The following FGD6 variants were observed in gnomAD, a reference collection of about 807,000 sequenced individuals.
The protein encoded by FGD6 is FYVE, RhoGEF and PH domain containing 6.
A neutral mutation model predicts 149.4 loss-of-function variants in FGD6; 90 were observed. The observed-to-expected ratio is 0.60, with a 90% CI of 0.51 to 0.72. FGD6 has a LOEUF of 0.72. FGD6 is among the 30% of genes least tolerant of loss of function. The probability of loss-of-function intolerance (pLI) is 0.00; values close to 1 mark genes in which losing one functional copy is unlikely to be tolerated. For synonymous variants in FGD6, 527 were observed against 584.0 expected, an observed-to-expected ratio of 0.90 and a Z score of 1.41; for missense variants, 1,437 against 1,684.8, an observed-to-expected ratio of 0.85 and a Z score of 2.57.
chr12:95,113,576 C>A, intron 9 of FGD6, 75 bp downstream of exon 9: 1 of 1,132,152 alleles, frequency 8.8e-7, no homozygotes, highest in South Asian at 1.4e-5. Flanking sequence ...ATTTTGTTAT[C>A]AATATATTTT....
At position 95,210,768 on chromosome 12, in the gene FGD6, A is replaced by C. The variant is rs747821544; in HGVS notation, c.516T>G (p.Val172=). The C allele has an allele frequency of 6.2e-6, 10 of 1,614,038 alleles. No individual in the cohort carries two copies. Among genetic ancestry groups the C allele is most frequent in the Non-Finnish European group, 8.5e-6 (10 of 1,180,040 alleles). The part of the protein sequence containing the change: ...YGEKAKNQGG[V]VLKASVLEEE... ...CTTCTAAAACGCTTGCCTTTAAAAC[A>C]ACCCCACCCTGGTTCTTGGCTTTTT... The change falls in exon 2 of 21, where the codon GTT becomes GTG. Residue 172 remains valine, a synonymous_variant. Transcript: ENST00000343958.
At chr12:95,157,517 G>A (rs1880507125) in intron 3 of FGD6, among the ~76,000 whole-genome samples, 1 of 144,652 alleles carries the variant, frequency 6.9e-6, no homozygotes, top group African/African-American at 2.6e-5. Context: ...AGTGAGTCAT[G>A]ATCGTGCCAC....
chr12:95,131,108 GTTTTTT>G (rs59897965), intron 8 of FGD6, among the ~76,000 whole-genome samples: 12,460 of 128,280 alleles, frequency 0.097, 620 homozygotes, highest in African/African-American at 0.17. Context: ...TGGCTAAAGA[GTTTTTT>G]TTTTTTTTTT....
chr12:95,098,819 G>T (rs957698974), intron 14 of FGD6, among the ~76,000 whole-genome samples: 1 of 151,362 alleles, frequency 6.6e-6, no homozygotes, highest in South Asian at 2.1e-4. Flanking sequence ...TGCTAAGTGC[G>T]TGTCCTCCTC....
intron 8 of FGD6, 100 bp from the exon 9 acceptor site, chr12:95,113,801 T>C: frequency 1.5e-6 from 1 of 686,772 alleles, no homozygotes; most frequent in Non-Finnish European, 2.4e-6. Context: ...CTGGTTAATA[T>C]ACATGCTAGT....
chr12:95,170,656 G>T (rs1035544956), intron 3 of FGD6, among the ~76,000 whole-genome samples: 2 of 152,022 alleles, frequency 1.3e-5, no homozygotes, highest in East Asian at 3.9e-4. Flanking sequence ...AGAAAAGAAC[G>T]TTGGCTACAT....
At chr12:95,161,048 C>T (rs1461242661) in intron 3 of FGD6, among the ~76,000 whole-genome samples, 1 of 150,760 alleles carries the variant, frequency 6.6e-6, no homozygotes, top group African/African-American at 2.4e-5. Flanking sequence ...GGCATGGTGG[C>T]ACACACCCGT....
intron 2 of FGD6, among the ~76,000 whole-genome samples, chr12:95,184,108 T>C (rs4128507): frequency 0.25 from 38,106 of 152,118 alleles, 5,397 homozygotes; most frequent in African/African-American, 0.39. Context: ...TGCTAAATGT[T>C]ACATTATATA....
At chr12:95,179,683 T>C (rs1477278565) in intron 2 of FGD6, among the ~76,000 whole-genome samples, 3 of 152,134 alleles carry the variant, frequency 2.0e-5, no homozygotes, top group African/African-American at 7.2e-5. Context: ...TTTAAAGTCA[T>C]TCATTAAGAT....
Position 95,107,619 on chromosome 12 carries a change from CTTT to C in FGD6, c.3274_3276del (p.Lys1092del). 1.2e-6 allele frequency: 2 copies of C among 1,614,046 alleles called. No individual in the cohort carries two copies. The highest frequency in any genetic ancestry group is 8.5e-7 in the Non-Finnish European group (1 of 1,180,030). ...CGAGACAGCTTCATCAGAATTCCTT[CTTT>C]GAGAAAAACCTGATTCACCCAAACA... On this transcript the variant is annotated inframe_deletion, in exon 12 of 21. Transcript: ENST00000343958.
chr12:95,094,028 G>A (rs558022935), intron 15 of FGD6, among the ~76,000 whole-genome samples: 2 of 145,750 alleles, frequency 1.4e-5, no homozygotes, highest in South Asian at 4.4e-4. Flanking sequence ...GCGTGGTGGT[G>A]CATGCCTGTA....
At chr12:95,198,015 C>A (rs1357063860) in intron 2 of FGD6, among the ~76,000 whole-genome samples, 1 of 152,196 alleles carries the variant, frequency 6.6e-6, no homozygotes, top group Non-Finnish European at 1.5e-5. Context: ...TCATTAATTT[C>A]TATTCCTATC....
chr12:95,181,045 T>C (rs954890321), intron 2 of FGD6, among the ~76,000 whole-genome samples: 13 of 152,150 alleles, frequency 8.5e-5, no homozygotes, highest in African/African-American at 2.9e-4. Context: ...TGTTAAGATA[T>C]ATAAATTACG....
intron 8 of FGD6, among the ~76,000 whole-genome samples, chr12:95,126,905 G>A (rs1048614668): frequency 6.6e-6 from 1 of 152,016 alleles, no homozygotes; most frequent in African/African-American, 2.4e-5. Context: ...TCCAGCTGGG[G>A]TGACAGGGTG....
At chr12:95,208,750 C>T (rs1022735075) in intron 2 of FGD6, 93 bp downstream of exon 2, 16 of 1,396,712 alleles carry the variant, frequency 1.1e-5, no homozygotes, top group East Asian at 4.7e-5. Context: ...CCTTCAACCA[C>T]GTGTTTTTTT....
intron 14 of FGD6, among the ~76,000 whole-genome samples, chr12:95,099,543 C>T (rs1296610808): frequency 6.6e-6 from 1 of 152,128 alleles, no homozygotes; most frequent in Non-Finnish European, 1.5e-5. Context: ...ATTTATTTTT[C>T]CTTTATCAAG....
At chr12:95,186,667 T>C (rs1341624422) in intron 2 of FGD6, among the ~76,000 whole-genome samples, 1 of 152,222 alleles carries the variant, frequency 6.6e-6, no homozygotes, top group African/African-American at 2.4e-5. Flanking sequence ...GCTGAAGAGA[T>C]GCAACAGAGA....
At chr12:95,137,149 C>T (rs1167976098) in intron 7 of FGD6, among the ~76,000 whole-genome samples, 2 of 152,136 alleles carry the variant, frequency 1.3e-5, no homozygotes, top group Non-Finnish European at 1.5e-5. Context: ...TGTGGTGGCA[C>T]GTGCTTGTAA....
intron 14 of FGD6, among the ~76,000 whole-genome samples, chr12:95,098,060 T>TCC (rs1878299060): frequency 6.6e-6 from 1 of 152,094 alleles, no homozygotes; most frequent in African/African-American, 2.4e-5. Context: ...CAAATATATG[T>TCC]CTCTGGCCCC....
Sources: allele counts gnomAD v4.1 joint callset (sites outside exome capture counted in the v4.1 genomes callset), GRCh38; gene constraint gnomAD v4.1.1; transcripts MANE v1.5; gene names NCBI Gene and HGNC (gene_info 2026-07-23, HGNC 2026-07-21).